Variants in ECPAS observed in about 807,000 individuals in gnomAD.
ECPAS encodes Ecm29 proteasome adaptor and scaffold, also known as proteasome adapter and scaffold protein ECM29.
ECPAS carries 70 observed loss-of-function variants against 255.1 expected under a neutral mutation model. The ratio of observed to expected loss-of-function variants is 0.27; its 90% CI spans 0.23 to 0.33. ECPAS has a LOEUF of 0.33. ECPAS is among the 10% of genes least tolerant of loss of function. The pLI, the probability that ECPAS is intolerant of heterozygous loss-of-function variation, is 1.00. For missense variants in ECPAS, 1,817 were observed against 2,206.4 expected, an observed-to-expected ratio of 0.82 and a Z score of 3.54; for synonymous variants, 784 against 775.0, an observed-to-expected ratio of 1.01 and a Z score of -0.19.
intron 42 of ECPAS, 46 bp downstream of exon 42, chr9:111,372,383 G>A: frequency 6.5e-7 from 1 of 1,542,254 alleles, no homozygotes; most frequent in African/African-American, 1.4e-5. Context: ...AAAAATTCTA[G>A]CTGTGATTCC....
chr9:111,446,120 T>C (rs887137936), intron 3 of ECPAS, among the ~76,000 whole-genome samples: 2 of 152,206 alleles, frequency 1.3e-5, no homozygotes, highest in South Asian at 2.1e-4. Flanking sequence ...CTATTGTGAA[T>C]AGTCTGAGGC....
At chr9:111,414,780 T>C (rs2098200567) in intron 18 of ECPAS, 129 bp from the exon 19 acceptor site, 2 of 778,124 alleles carry the variant, frequency 2.6e-6, no homozygotes, top group Admixed American at 3.3e-5. Flanking sequence ...CCAATCCTCA[T>C]GGAAGGCAGA....
At chr9:111,375,786 CACT>C (rs1199403647) in intron 37 of ECPAS, among the ~76,000 whole-genome samples, 1 of 152,166 alleles carries the variant, frequency 6.6e-6, no homozygotes, top group Non-Finnish European at 1.5e-5. Flanking sequence ...CCCCAGCAGG[CACT>C]AAAAAATAGC....
chr9:111,447,683 T>C (rs1167696728), intron 3 of ECPAS, among the ~76,000 whole-genome samples: 1 of 152,088 alleles, frequency 6.6e-6, no homozygotes, highest in African/African-American at 2.4e-5. Context: ...TTCCAAAAGT[T>C]TTCCAACTTA....
At chr9:111,385,766 T>C (rs1056384279) in intron 32 of ECPAS, among the ~76,000 whole-genome samples, 20 of 152,178 alleles carry the variant, frequency 1.3e-4, no homozygotes, top group African/African-American at 4.6e-4. Context: ...TATACAGAAA[T>C]GCTATACTAT....
At chr9:111,387,746 G>A (rs574469916) in intron 31 of ECPAS, among the ~76,000 whole-genome samples, 1 of 150,930 alleles carries the variant, frequency 6.6e-6, no homozygotes, top group South Asian at 2.1e-4. Context: ...TTGAGGGACA[G>A]TGTCTCACTC....
Position 111,397,021 on chromosome 9 carries a change from A to T in ECPAS, c.2776+9T>A. ...ATCATTATAAATCGATTAGCTGAATATTTGGTACCAGCAGGTGGAGTATAT... is the reference window on the plus strand; with the variant it reads ...ATCATTATAAATCGATTAGCTGAATTTTTGGTACCAGCAGGTGGAGTATAT... On this transcript the variant is annotated intron_variant, in intron 25 of 49. Coordinates refer to ENST00000684092, the MANE Select transcript of ECPAS (RefSeq NM_001364929.1). 2 of 1,613,886 alleles carry T rather than the reference A, an allele frequency of 1.2e-6. No homozygotes were observed. Among genetic ancestry groups the T allele is most frequent in the Non-Finnish European group, 1.7e-6 (2 of 1,179,780 alleles).
intron 32 of ECPAS, among the ~76,000 whole-genome samples, chr9:111,385,727 C>T (rs1476382951): frequency 6.6e-6 from 1 of 152,192 alleles, no homozygotes; most frequent in Non-Finnish European, 1.5e-5. Context: ...CTGCCACATA[C>T]ACACTGGGCA....
At chr9:111,390,215 T>A in intron 29 of ECPAS, 114 bp from the exon 30 acceptor site, 1 of 581,426 alleles carries the variant, frequency 1.7e-6, no homozygotes. Context: ...ACTCAATTTC[T>A]AATACTGAGT....
intron 25 of ECPAS, 140 bp from the exon 26 acceptor site, chr9:111,394,445 G>T: frequency 1.4e-6 from 1 of 727,666 alleles, no homozygotes; most frequent in Non-Finnish European, 2.0e-6. Flanking sequence ...TAAAGTTGCT[G>T]AAGGAATCAA....
At chr9:111,474,913 T>G (rs2098294358) in intron 1 of ECPAS, among the ~76,000 whole-genome samples, 1 of 152,168 alleles carries the variant, frequency 6.6e-6, no homozygotes, top group Non-Finnish European at 1.5e-5. Flanking sequence ...ACACAGCTGA[T>G]CCCCTTTCCC....
intron 24 of ECPAS, among the ~76,000 whole-genome samples, chr9:111,407,864 A>G (rs372092583): frequency 3.3e-5 from 5 of 152,352 alleles, no homozygotes; most frequent in African/African-American, 1.2e-4. Flanking sequence ...AGCAAAACAG[A>G]GTCTGCATTC....
chr9:111,382,206 G>A (rs949270757), intron 35 of ECPAS, among the ~76,000 whole-genome samples: 1 of 151,624 alleles, frequency 6.6e-6, no homozygotes. Flanking sequence ...TGGATTTAGG[G>A]GCATCTAATG....
Position 111,362,141 on chromosome 9 carries a change from A to C in ECPAS, c.5409T>G (p.Ser1803=). 1 of 1,605,732 alleles carries C rather than the reference A, an allele frequency of 6.2e-7. No individual in the cohort carries two copies. Among genetic ancestry groups the C allele is most frequent in the Non-Finnish European group, 8.5e-7 (1 of 1,176,222 alleles). The change falls in exon 50 of 50, where the codon TCT becomes TCG. Residue 1803 remains serine, a synonymous_variant. Coordinates refer to ENST00000684092, the MANE Select transcript of ECPAS (RefSeq NM_001364929.1). The part of the protein sequence containing the change: ...EESKQWECLT[S]ECRVLLIESL... Reference sequence around the variant, plus strand: ...ACTCAATTAGGAGCACTCTGCATTCAGATGTCAAACATTCCCACTGTTTAG... The same window carrying C: ...ACTCAATTAGGAGCACTCTGCATTCCGATGTCAAACATTCCCACTGTTTAG...
At position 111,375,195 on chromosome 9, in the gene ECPAS, T is replaced by G; in HGVS notation, c.4028A>C (p.Gln1343Pro). The change falls in exon 38 of 50, where the codon CAA (glutamine) becomes CCA (proline). Residue 1343 changes from glutamine (Q) to proline (P), a missense_variant. Gln to Pro is a moderately conservative substitution (Grantham distance 76). Transcript: ENST00000684092. ...PMMETINMCLQYLDVSVLGEL... is the reference protein window; with the variant it reads ...PMMETINMCLPYLDVSVLGEL... ...GCCCAGCACTGACACATCAAGGTAT[T>G]GCAGGCACTTTTGAAAAAGGACAAA... 2 of 1,613,524 alleles carry G rather than the reference T, an allele frequency of 1.2e-6. No homozygotes were observed. The highest frequency in any genetic ancestry group is 1.7e-6 in the Non-Finnish European group (2 of 1,179,572).
chr9:111,382,824 C>T (rs1258023462), intron 35 of ECPAS, among the ~76,000 whole-genome samples: 1 of 152,166 alleles, frequency 6.6e-6, no homozygotes, highest in Admixed American at 6.5e-5. Context: ...TATATTATAT[C>T]AAAACGTGTA....
intron 7 of ECPAS, among the ~76,000 whole-genome samples, chr9:111,435,390 T>A (rs1470315347): frequency 6.6e-6 from 1 of 152,120 alleles, no homozygotes; most frequent in Non-Finnish European, 1.5e-5. Context: ...ACAAAACACA[T>A]ACAGAGGCAT....
Position 111,392,876 on chromosome 9 carries a change from C to T in ECPAS, c.2984G>A (p.Ser995Asn). Residue 995 changes from serine to asparagine, a missense_variant, in exon 28 of 50, where the codon AGC (serine) becomes AAC (asparagine). Coordinates refer to ENST00000684092, the MANE Select transcript of ECPAS (RefSeq NM_001364929.1). ...AAGGCCCTTTGATGCAACATCTTGG[C>T]TAAGTTCTACAAGAAAGTCAGACAA... is the stretch of plus-strand genomic sequence containing the variant. ...VSVLSENDEL[S>N]QDVASKGLGL... The T allele has an allele frequency of 6.2e-7, 1 of 1,605,424 alleles. No homozygotes were observed. Among genetic ancestry groups the T allele is most frequent in the Non-Finnish European group, 8.5e-7 (1 of 1,175,758 alleles).
chr9:111,462,798 A>G (rs2098274734), intron 2 of ECPAS, among the ~76,000 whole-genome samples: 1 of 140,492 alleles, frequency 7.1e-6, no homozygotes, highest in African/African-American at 2.7e-5. Flanking sequence ...GCTGGAGTGC[A>G]GTGGTGCAAT....
Sources: allele counts gnomAD v4.1 joint callset (sites outside exome capture counted in the v4.1 genomes callset), GRCh38; gene constraint gnomAD v4.1.1; transcripts MANE v1.5; gene names NCBI Gene and HGNC (gene_info 2026-07-23, HGNC 2026-07-21).